The following AGAP3 variants were observed in gnomAD, a reference collection of about 807,000 sequenced individuals.
AGAP3 encodes arf-GAP with GTPase, ANK repeat and PH domain-containing protein 3.
In AGAP3, 24 loss-of-function variants were observed where a neutral mutation model predicts 96.9. The ratio of observed to expected loss-of-function variants is 0.25; its 90% CI spans 0.18 to 0.35. The LOEUF (loss-of-function observed/expected upper bound fraction) is 0.35, where lower values mean the gene tolerates loss of function less well. Among genes scored for constraint, AGAP3 ranks in the 10% least tolerant of loss-of-function variants. The pLI is 1.00. For synonymous variants in AGAP3, 563 were observed against 536.1 expected (o/e 1.05, Z -0.69); for missense variants, 876 against 1,254.2 (o/e 0.70, Z 4.55).
chr7:151,087,202 G>C, intron 1 of AGAP3, 130 bp downstream of exon 1: 1 of 975,114 alleles, frequency 1.0e-6, no homozygotes. Context: ...ACCAGGCCAC[G>C]AGGTTTGCCG....
intron 1 of AGAP3, 120 bp downstream of exon 1, chr7:151,087,192 AC>A: frequency 9.2e-7 from 1 of 1,086,320 alleles, no homozygotes; most frequent in Admixed American, 2.2e-5. Flanking sequence ...GCGCTTGAGG[AC>A]CAGGCCACGA....
intron 1 of AGAP3, 163 bp from the exon 2 acceptor site, chr7:151,116,630 C>A: frequency 1.4e-6 from 1 of 722,088 alleles, no homozygotes; most frequent in Non-Finnish European, 2.4e-6. Context: ...AACCTTCCCA[C>A]TGCCTCCTGG....
At chr7:151,137,262 G>A (rs1437190264) in intron 11 of AGAP3, among the ~76,000 whole-genome samples, 4 of 152,144 alleles carry the variant, frequency 2.6e-5, no homozygotes, top group Non-Finnish European at 4.4e-5. Context: ...GGCCAGCTCC[G>A]GGCCCCTTCT....
intron 1 of AGAP3, chr7:151,115,533 C>T (rs1799527633): frequency 7.4e-6 from 8 of 1,073,858 alleles, no homozygotes; most frequent in Non-Finnish European, 6.7e-6. Flanking sequence ...CGCCGCCGGC[C>T]TCTGGAGGCT....
At chr7:151,125,857 GGGAAC>G (rs1800136514) in intron 9 of AGAP3, among the ~76,000 whole-genome samples, 1 of 152,242 alleles carries the variant, frequency 6.6e-6, no homozygotes, top group Non-Finnish European at 1.5e-5. Context: ...AGGCGGCGGC[GGGAAC>G]GGGTCCTCTG....
Position 151,128,621 on chromosome 7 carries a change from G to A in AGAP3, c.1263G>A (p.Glu421=), listed in dbSNP as rs200116364. The part of the protein sequence containing the change: ...LKRSGKSLNK[E]WKKKYVTLCD... The stretch of plus-strand genomic sequence containing the variant: ...GGAGCGGCAAGTCCCTGAACAAGGA[G>A]TGGAAGAAGAAGTATGTGACGCTCT... Residue 421 remains glutamate (E), a synonymous_variant, in exon 10 of 18, where the codon GAG becomes GAA. Transcript: ENST00000397238. 6.1e-5 allele frequency: 98 copies of A among 1,613,810 alleles called. No homozygotes were observed. The highest frequency in any genetic ancestry group is 5.0e-5 in the Admixed American group (3 of 59,996).
Position 151,138,250 on chromosome 7 carries a change from G to A in AGAP3, c.1603G>A (p.Val535Ile), listed in dbSNP as rs757721635. 30 of 1,612,822 alleles carry A rather than the reference G, an allele frequency of 1.9e-5. No homozygotes were observed. The highest frequency in any genetic ancestry group is 2.3e-5 in the Non-Finnish European group (27 of 1,179,806). ...GGGGCTGCACCAGCGCTCCTGCTCC[G>A]TTTCCAGCGCCGACCAGTGGAGTGA... is the stretch of plus-strand genomic sequence containing the variant. ...PEGLHQRSCS[V>I]SSADQWSEAT... The change falls in exon 12 of 18, where the codon GTT (valine) becomes ATT (isoleucine). Residue 535 changes from valine to isoleucine, a missense_variant. By Grantham distance (29) the Val-to-Ile change is conservative (BLOSUM62 3). This residue lies in a region of AGAP3 where 155 missense variants were observed against 144.4 expected (regional missense o/e 1.07). Transcript: ENST00000397238.
intron 1 of AGAP3, among the ~76,000 whole-genome samples, chr7:151,104,542 G>A (rs909963432): frequency 3.9e-5 from 6 of 152,328 alleles, no homozygotes; most frequent in African/African-American, 1.2e-4. Context: ...GCTTTGTGTT[G>A]CTGATGAACA....
Position 151,144,244 on chromosome 7 carries a change from C to G in AGAP3, c.*301C>G. 1 of 405,626 alleles carries G rather than the reference C, an allele frequency of 2.5e-6. No homozygotes were observed. The highest frequency in any genetic ancestry group is 4.5e-6 in the Non-Finnish European group (1 of 224,434). The allele number at this position is 405,626 out of a possible 1,614,324, so 25.1% of individuals were successfully genotyped here. The stretch of plus-strand genomic sequence containing the variant: ...TCTCCCTCCTCCAGATCCCTGCCTC[C>G]TAGTGCCAGCCCCTCACACGCCTTC... On this transcript the variant is annotated 3_prime_UTR_variant, in exon 18 of 18. Coordinates refer to ENST00000397238, the MANE Select transcript of AGAP3 (RefSeq NM_031946.7).
intron 1 of AGAP3, among the ~76,000 whole-genome samples, chr7:151,101,257 C>G (rs757582421): frequency 1.3e-5 from 2 of 152,210 alleles, no homozygotes; most frequent in Non-Finnish European, 2.9e-5. Flanking sequence ...GGGGGAATGG[C>G]TGTCAGGCAG....
chr7:151,121,581 C>G (rs1160358063), intron 8 of AGAP3, among the ~76,000 whole-genome samples: 1 of 152,134 alleles, frequency 6.6e-6, no homozygotes, highest in African/African-American at 2.4e-5. Context: ...TCCGCCCACG[C>G]CCAGTCCCCG....
rs966840983 is a variant in AGAP3, at chr7:151,115,297, C to G, written c.332-1496C>G. The G allele has an allele frequency of 4.2e-5, 42 of 1,004,214 alleles. No homozygotes were observed. The African/African-American group carries it at 7.0e-4, about 17-fold the overall frequency. The allele number at this position is 1,004,214 out of a possible 1,614,324, so 62.2% of individuals were successfully genotyped here. A position where few individuals can be genotyped will look rare whatever the true frequency, so the allele number is the denominator to read the frequency against. ...CCAGTGCTGCGCGGCGGGCGCGGGC[C>G]GGAGGGGCCCCGGCGCGGCCTGGCG... On this transcript the variant is annotated intron_variant, in intron 1 of 17. Coordinates refer to ENST00000397238, the MANE Select transcript of AGAP3 (RefSeq NM_031946.7).
chr7:151,086,710 G>T lies in AGAP3; in HGVS notation c.-32G>T. 4 of 531,136 alleles carry T rather than the reference G, an allele frequency of 7.5e-6. No individual in the cohort carries two copies. The highest frequency in any genetic ancestry group is 9.5e-6 in the Non-Finnish European group (4 of 421,230). 32.9% of individuals were successfully genotyped at this position (531,136 alleles called of 1,614,324 possible). On this transcript the variant is annotated 5_prime_UTR_variant, in exon 1 of 18. Transcript: ENST00000397238. ...GCCGCCGCCTCCGCCGCGCCGCCCC[G>T]GGCCCGCCTCGGGCCCCACGGCTCC...
chr7:151,120,129 G>C lies in AGAP3; in HGVS notation c.1112G>C (p.Arg371Pro). ...CCCATCCGAAAGCAGTCCAAGCGGC[G>C]CTCCAACATCTTCACGGTACGTGAC... ...PTPIRKQSKRRSNIFTSRKGA... is the reference protein window; with the variant it reads ...PTPIRKQSKRPSNIFTSRKGA... Residue 371 changes from arginine to proline, a missense_variant, in exon 8 of 18, where the codon CGC becomes CCC. Arg to Pro is a moderately radical substitution (Grantham distance 103). This residue lies in a region of AGAP3 where 100 missense variants were observed against 129.4 expected (regional missense o/e 0.77). Transcript: ENST00000397238. The C allele has an allele frequency of 1.2e-6, 2 of 1,611,060 alleles. No homozygotes were observed. The highest frequency in any genetic ancestry group is 1.1e-5 in the South Asian group (1 of 90,692).
intron 1 of AGAP3, chr7:151,116,485 G>A: frequency 2.2e-6 from 1 of 463,494 alleles, no homozygotes; most frequent in Non-Finnish European, 3.9e-6. Flanking sequence ...GGCCAGGTGT[G>A]GCTTGGTGGG....
At position 151,142,684 on chromosome 7, in the gene AGAP3, G is replaced by T. The variant is rs1190991383; in HGVS notation, c.2273+50G>T. On this transcript the variant is annotated intron_variant, in intron 16 of 17. Transcript: ENST00000397238. The surrounding 1 kb of genome is among the most constrained non-coding windows in gnomAD (Gnocchi z 7.5). ...GGCCAGGAATGGGGGAAGCGTTGGG[G>T]GCTCCCAGCATGGGGAAGATTGGAG... 2 of 1,564,598 alleles carry T rather than the reference G, an allele frequency of 1.3e-6. No individual in the cohort carries two copies.
chr7:151,123,507 G>A (rs761454248), intron 8 of AGAP3: 43 of 1,222,350 alleles, frequency 3.5e-5, no homozygotes, highest in Non-Finnish European at 4.0e-5. Context: ...CTTCTCTTAC[G>A]CCCCCGCCCC....
chr7:151,138,057 C>T (rs1276871748), intron 11 of AGAP3, 86 bp from the exon 12 acceptor site: 11 of 1,082,408 alleles, frequency 1.0e-5, no homozygotes, highest in African/African-American at 4.7e-5. Context: ...TCAGGCTCTG[C>T]TCTGCAGCTC....
At position 151,128,345 on chromosome 7, in the gene AGAP3, G is replaced by A. The variant is rs114909982; in HGVS notation, c.1222-235G>A. The A allele has an allele frequency of 5.3e-4, 276 of 516,262 alleles. 2 individuals carry two copies. The highest frequency in any genetic ancestry group is 4.8e-3 in the African/African-American group (248 of 52,192). The allele number at this position is 516,262 out of a possible 1,614,324, so 32.0% of individuals were successfully genotyped here. On this transcript the variant is annotated intron_variant, in intron 9 of 17. Coordinates refer to ENST00000397238, the MANE Select transcript of AGAP3 (RefSeq NM_031946.7). ...TGGGGAGGGAAGACGCCCACCTGCC[G>A]GAACAGCGGTCCAGCTGCTTCCTGA...
Sources: allele counts gnomAD v4.1 joint callset (sites outside exome capture counted in the v4.1 genomes callset), GRCh38; gene constraint gnomAD v4.1.1; regional missense constraint gnomAD v4.1.1; non-coding constraint Gnocchi (gnomAD v3.1); transcripts MANE v1.5; gene names NCBI Gene and HGNC (gene_info 2026-07-23, HGNC 2026-07-21).